The following SEC24B variants were observed in gnomAD, a reference collection of about 807,000 sequenced individuals.
SEC24B encodes protein transport protein Sec24B.
A neutral mutation model predicts 142.8 loss-of-function variants in SEC24B; 45 were observed. The observed-to-expected ratio is 0.32, with a 90% confidence interval of 0.25 to 0.40. The LOEUF (loss-of-function observed/expected upper bound fraction) is 0.40. Among genes scored for constraint, SEC24B ranks in the 10% least tolerant of loss-of-function variants. The pLI, the probability that SEC24B is intolerant of heterozygous loss-of-function variation, is 1.00. For missense variants in SEC24B, 1,409 were observed against 1,526.8 expected (o/e 0.92, Z 1.29); for synonymous variants, 574 against 568.2 (o/e 1.01, Z -0.15).
intron 23 of SEC24B, among the ~76,000 whole-genome samples, chr4:109,538,808 G>C (rs1407139474): frequency 2.0e-5 from 3 of 151,980 alleles, no homozygotes; most frequent in African/African-American, 7.3e-5. Context: ...TTGAGATAGA[G>C]TCTCACTCTG....
intron 14 of SEC24B, 54 bp from the exon 15 acceptor site, chr4:109,524,764 T>C (rs749389774): frequency 3.1e-5 from 47 of 1,525,544 alleles, no homozygotes; most frequent in Non-Finnish European, 4.2e-5. Context: ...AAAAATGACA[T>C]GAAAATATGA....
chr4:109,441,335 G>A (rs1728908734), intron 1 of SEC24B, among the ~76,000 whole-genome samples: 1 of 152,168 alleles, frequency 6.6e-6, no homozygotes, highest in Non-Finnish European at 1.5e-5. Context: ...AAAGATGATA[G>A]TGATACTTCA....
chr4:109,489,804 T>G (rs1734824548), intron 4 of SEC24B, among the ~76,000 whole-genome samples: 1 of 151,716 alleles, frequency 6.6e-6, no homozygotes, highest in South Asian at 2.1e-4. Context: ...ATATCCCATT[T>G]TATAGATATA....
chr4:109,477,132 G>A (rs1429807675), intron 3 of SEC24B, among the ~76,000 whole-genome samples: 7 of 111,408 alleles, frequency 6.3e-5, no homozygotes, highest in Admixed American at 5.5e-4. Context: ...GCGAGACTCC[G>A]TCTCAAATAA....
Position 109,490,300 on chromosome 4 carries a change from G to A in SEC24B, c.1166-1027G>A, listed in dbSNP as rs765272120. On this transcript the variant is annotated intron_variant, in intron 4 of 23. Coordinates refer to ENST00000265175, the MANE Select transcript of SEC24B (RefSeq NM_006323.5). ...CAAAAAACATCAGCTATTATGCCCT[G>A]AGTCGGTATACCTGATTCTCATGTT... 1.8e-3 allele frequency among the ~76,000 whole-genome samples: 242 copies of A among 131,804 alleles called. 1 individual carries two copies. Among genetic ancestry groups the A allele is most frequent in the Non-Finnish European group, 2.7e-3 (172 of 62,900 alleles). The allele number at this position is 131,804 out of a possible 152,430, so 86.5% of individuals were successfully genotyped here.
rs1737394780 is a variant in SEC24B, at chr4:109,512,019, C to T, written c.1839C>T (p.Asn613=). The T allele has an allele frequency of 1.2e-6, 2 of 1,612,844 alleles. No individual in the cohort carries two copies. Among genetic ancestry groups the T allele is most frequent in the Non-Finnish European group, 1.7e-6 (2 of 1,178,894 alleles). Residue 613 remains asparagine (N), a synonymous_variant, in exon 9 of 24, where the codon AAC becomes AAT. Transcript: ENST00000265175. ...VRCRSCRTYI[N]PFVSFIDQRR... ...GCCGATCCTGTCGAACGTATATTAA[C>T]CCCTTTGTATCCTTCATTGATCAAC...
At chr4:109,520,217 A>T (rs899786305) in intron 11 of SEC24B, 149 bp from the exon 12 acceptor site, 1 of 577,460 alleles carries the variant, frequency 1.7e-6, no homozygotes, top group Non-Finnish European at 3.1e-6. Flanking sequence ...TCTCTGATAT[A>T]TATTTGTTTA....
chr4:109,434,696 G>C (rs538240356), intron 1 of SEC24B, among the ~76,000 whole-genome samples: 59 of 152,318 alleles, frequency 3.9e-4, no homozygotes, highest in African/African-American at 1.4e-3. Flanking sequence ...GTTTGAAAGG[G>C]AGCAGATGTA....
chr4:109,487,964 G>A (rs1021470132), intron 4 of SEC24B, among the ~76,000 whole-genome samples: 10 of 152,154 alleles, frequency 6.6e-5, no homozygotes, highest in African/African-American at 2.4e-4. Context: ...TCTTAACTGA[G>A]TAGTAGTATG....
At chr4:109,458,946 A>G (rs1312593020) in intron 1 of SEC24B, among the ~76,000 whole-genome samples, 2 of 151,926 alleles carry the variant, frequency 1.3e-5, no homozygotes, top group South Asian at 4.1e-4. Context: ...CACAACTTTT[A>G]TGTCTATTTT....
intron 7 of SEC24B, among the ~76,000 whole-genome samples, chr4:109,507,432 C>T (rs954832734): frequency 2.0e-5 from 3 of 150,978 alleles, no homozygotes; most frequent in East Asian, 4.0e-4. Context: ...CACCATGATG[C>T]GTGTCTAATT....
At chr4:109,530,652 A>C (rs951784201) in intron 19 of SEC24B, among the ~76,000 whole-genome samples, 188 bp downstream of exon 19, 2 of 152,190 alleles carry the variant, frequency 1.3e-5, no homozygotes, top group African/African-American at 4.8e-5. Context: ...CTGTAATCCC[A>C]GCACTTTGGG....
chr4:109,530,895 C>CAAAAAAAAA (rs35997146), intron 19 of SEC24B, among the ~76,000 whole-genome samples: 20 of 46,334 alleles, frequency 4.3e-4, no homozygotes, highest in African/African-American at 6.1e-4. Flanking sequence ...GACTCCGTCT[C>CAAAAAAAAA]AAAAAAAAAA....
At chr4:109,511,473 G>C (rs2126048313) in intron 8 of SEC24B, among the ~76,000 whole-genome samples, 1 of 152,198 alleles carries the variant, frequency 6.6e-6, no homozygotes, top group Non-Finnish European at 1.5e-5. Flanking sequence ...ATTTTCTAAA[G>C]TTTCTACTTG....
At chr4:109,521,932 C>G (rs890421862) in intron 14 of SEC24B, among the ~76,000 whole-genome samples, 1 of 151,982 alleles carries the variant, frequency 6.6e-6, no homozygotes, top group South Asian at 2.1e-4. Flanking sequence ...GGGGTTTCAC[C>G]ATGTTGGTCA....
At position 109,484,170 on chromosome 4, in the gene SEC24B, T is replaced by G. The variant is rs566235815; in HGVS notation, c.1165+2389T>G. 5.9e-5 allele frequency among the ~76,000 whole-genome samples: 9 copies of G among 152,350 alleles called. No homozygotes were observed. In the South Asian group the frequency reaches 1.0e-3, roughly 18 times the overall value. On this transcript the variant is annotated intron_variant, in intron 4 of 23. Coordinates refer to ENST00000265175, the MANE Select transcript of SEC24B (RefSeq NM_006323.5). Reference sequence around the variant, plus strand: ...GTTGAATTTAGTTGTCATGTTAGACTCCTTTAGTCTCCAACAGTTCATTAG... The same window carrying G: ...GTTGAATTTAGTTGTCATGTTAGACGCCTTTAGTCTCCAACAGTTCATTAG...
In SEC24B at chr4:109,473,105, A is replaced by C; in HGVS notation, c.979A>C (p.Thr327Pro). Residue 327 changes from threonine to proline, a missense_variant, in exon 3 of 24, where the codon ACA becomes CCA. By Grantham distance (38) the Thr-to-Pro change is conservative. Coordinates refer to ENST00000265175, the MANE Select transcript of SEC24B (RefSeq NM_006323.5). Reference protein sequence around the residue: ...VLSGSSGSSSTRTPPTANHPV... With the variant: ...VLSGSSGSSSPRTPPTANHPV... ...ATCAGGATCCTCAGGATCCTCATCA[A>C]CAAGAACACCTCCCACTGCAAATCA... is the stretch of plus-strand genomic sequence containing the variant. 3 of 1,601,512 alleles carry C rather than the reference A, an allele frequency of 1.9e-6. No homozygotes were observed. Among genetic ancestry groups the C allele is most frequent in the Non-Finnish European group, 2.6e-6 (3 of 1,174,168 alleles).
chr4:109,489,604 T>A (rs1395430439), intron 4 of SEC24B, among the ~76,000 whole-genome samples: 1 of 145,284 alleles, frequency 6.9e-6, no homozygotes, highest in Non-Finnish European at 1.5e-5. Flanking sequence ...TAAATAGAAT[T>A]ATATATATTA....
chr4:109,473,122 T>C lies in SEC24B; in HGVS notation c.996T>C (p.Thr332=), dbSNP rs1305276742. The C allele has an allele frequency of 7.5e-6, 12 of 1,600,122 alleles. No individual in the cohort carries two copies. Among genetic ancestry groups the C allele is most frequent in the African/African-American group, 1.4e-5 (1 of 74,038 alleles). ...CCTCATCAACAAGAACACCTCCCAC[T>C]GCAAATCACCCAGTTGAGCCTGTGA... The part of the protein sequence containing the change: ...SGSSSTRTPP[T]ANHPVEPVTS... Residue 332 remains threonine (T), a synonymous_variant, in exon 3 of 24, where the codon ACT becomes ACC. Coordinates refer to ENST00000265175, the MANE Select transcript of SEC24B (RefSeq NM_006323.5).
Sources: allele counts gnomAD v4.1 joint callset (sites outside exome capture counted in the v4.1 genomes callset), GRCh38; gene constraint gnomAD v4.1.1; transcripts MANE v1.5; gene names NCBI Gene and HGNC (gene_info 2026-07-23, HGNC 2026-07-21).